Variants in HYDIN observed in about 807,000 individuals in gnomAD.
HYDIN encodes the protein axonemal central pair apparatus protein HYDIN.
A neutral mutation model predicts 403.9 loss-of-function variants in HYDIN; 132 were observed. The observed-to-expected ratio is 0.33, with a 90% confidence interval of 0.28 to 0.38. The LOEUF (loss-of-function observed/expected upper bound fraction) is 0.38. Ranked by LOEUF, HYDIN falls within the 10% of genes least tolerant of loss-of-function variation. HYDIN has a pLI of 1.00. For missense variants in HYDIN, 2,827 were observed against 5,009.5 expected, an observed-to-expected ratio of 0.56 and a Z score of 13.15; for synonymous variants, 1,202 against 1,891.7, an observed-to-expected ratio of 0.64 and a Z score of 9.46.
chr16:71,202,630 T>C (rs1399716789), intron 1 of HYDIN, among the ~76,000 whole-genome samples: 2 of 152,184 alleles, frequency 1.3e-5, no homozygotes, highest in Non-Finnish European at 2.9e-5. Flanking sequence ...GTTGTACCAG[T>C]TTTTCTAATC....
chr16:70,916,022 C>T (rs2143799499), intron 47 of HYDIN, among the ~76,000 whole-genome samples: 1 of 152,354 alleles, frequency 6.6e-6, no homozygotes, highest in South Asian at 2.1e-4. Context: ...AGTCTGTTTC[C>T]AGGCAGTGGG....
At chr16:71,189,133 A>C (rs978688569) in intron 1 of HYDIN, among the ~76,000 whole-genome samples, 1 of 152,222 alleles carries the variant, frequency 6.6e-6, no homozygotes, top group Non-Finnish European at 1.5e-5. Context: ...TTACATATGC[A>C]TGTACATCTG....
intron 5 of HYDIN, among the ~76,000 whole-genome samples, chr16:71,173,593 T>G (rs1445209431): frequency 6.6e-6 from 1 of 152,216 alleles, no homozygotes; most frequent in African/African-American, 2.4e-5. Context: ...AAACCCCCAA[T>G]GTACCCATCA....
chr16:71,194,792 T>C (rs1317451527), intron 1 of HYDIN, among the ~76,000 whole-genome samples: 1 of 152,160 alleles, frequency 6.6e-6, no homozygotes, highest in Admixed American at 6.5e-5. Flanking sequence ...ATCTGAAGGG[T>C]TGACTAAGGT....
At chr16:71,098,659 T>C (rs374248466) in intron 10 of HYDIN, among the ~76,000 whole-genome samples, 3 of 147,608 alleles carry the variant, frequency 2.0e-5, no homozygotes, top group Admixed American at 6.9e-5. Context: ...AAATATATCA[T>C]GGAATAAACT....
At chr16:71,115,093 T>G (rs1046404217) in intron 10 of HYDIN, among the ~76,000 whole-genome samples, 1 of 151,120 alleles carries the variant, frequency 6.6e-6, no homozygotes. Flanking sequence ...TTAGGTTTTG[T>G]GTCCCCACTC....
intron 38 of HYDIN, among the ~76,000 whole-genome samples, chr16:70,961,654 C>T: frequency 6.6e-6 from 1 of 152,130 alleles, no homozygotes; most frequent in South Asian, 2.1e-4. Context: ...CATAATGTTT[C>T]TCTAAACACC....
intron 7 of HYDIN, among the ~76,000 whole-genome samples, chr16:71,140,952 G>T (rs1443182640): frequency 6.7e-6 from 1 of 150,158 alleles, no homozygotes; most frequent in Non-Finnish European, 1.5e-5. Context: ...CCCACTACTA[G>T]AAATCTGTTT....
chr16:70,829,513 C>T, intron 81 of HYDIN, 105 bp downstream of exon 81: 1 of 825,286 alleles, frequency 1.2e-6, no homozygotes, highest in Non-Finnish European at 2.0e-6. Flanking sequence ...GGATTACAGG[C>T]ATGAGCCACC....
At chr16:71,031,171 G>A (rs1166880347) in intron 19 of HYDIN, among the ~76,000 whole-genome samples, 1 of 133,534 alleles carries the variant, frequency 7.5e-6, no homozygotes, top group African/African-American at 3.0e-5. Context: ...CTGCACTCCA[G>A]CCTAGGCCAC....
At chr16:71,024,449 A>G (rs1039226544) in intron 21 of HYDIN, among the ~76,000 whole-genome samples, 1 of 151,080 alleles carries the variant, frequency 6.6e-6, no homozygotes, top group African/African-American at 2.4e-5. Flanking sequence ...GTCTCCTAAT[A>G]CATGCCCTCC....
At chr16:70,933,289 G>A (rs986622874) in intron 45 of HYDIN, among the ~76,000 whole-genome samples, 3 of 151,954 alleles carry the variant, frequency 2.0e-5, no homozygotes, top group African/African-American at 7.3e-5. Flanking sequence ...ACAGGGTCAG[G>A]GTGACTCTGG....
At chr16:71,127,325 T>TC (rs923354052) in intron 9 of HYDIN, among the ~76,000 whole-genome samples, 10 of 138,776 alleles carry the variant, frequency 7.2e-5, no homozygotes, top group Non-Finnish European at 1.5e-4. Context: ...TGGCATCACC[T>TC]CCCCCCCGAC....
chr16:70,823,765 G>A (rs1392828193), intron 83 of HYDIN, among the ~76,000 whole-genome samples: 1 of 150,832 alleles, frequency 6.6e-6, no homozygotes, highest in African/African-American at 2.4e-5. Context: ...CTTCTGACCT[G>A]TCCTCTTTAC....
chr16:71,019,354 G>C (rs1240708514), intron 22 of HYDIN, among the ~76,000 whole-genome samples: 1 of 152,286 alleles, frequency 6.6e-6, no homozygotes. Context: ...AACGATTCTG[G>C]TATTTAACTG....
At chr16:70,852,644 A>C (rs1271476247) in intron 73 of HYDIN, 2 of 150,576 alleles carry the variant, frequency 1.3e-5, no homozygotes, top group Non-Finnish European at 3.0e-5. Context: ...CTGGAAAGAG[A>C]CATGAAGAGA....
Position 71,039,918 on chromosome 16 carries a change from T to A in HYDIN, c.2530-8001A>T, listed in dbSNP as rs181664206. Among the ~76,000 whole-genome samples the A allele has an allele frequency of 4.8e-4, 73 of 152,306 alleles. 3 individuals carry two copies. The East Asian group carries it at 0.014, about 28-fold the overall frequency. Reference sequence around the variant, plus strand: ...CCATGCGACAAGGCAAAGGGCCCACTGAGCTGTTAACACCTAAGGTGTCCA... The same window carrying A: ...CCATGCGACAAGGCAAAGGGCCCACAGAGCTGTTAACACCTAAGGTGTCCA... On this transcript the variant is annotated intron_variant, in intron 18 of 85. Transcript: ENST00000393567.
intron 25 of HYDIN, among the ~76,000 whole-genome samples, chr16:70,990,451 T>G (rs1375349948): frequency 7.1e-6 from 1 of 141,708 alleles, no homozygotes; most frequent in African/African-American, 2.6e-5. Flanking sequence ...AGTGCTCAGT[T>G]AAGTGTTGGT....
intron 65 of HYDIN, among the ~76,000 whole-genome samples, chr16:70,871,270 A>G (rs1174688488): frequency 6.6e-6 from 1 of 152,072 alleles, no homozygotes; most frequent in Non-Finnish European, 1.5e-5. Flanking sequence ...AGATTTAAAG[A>G]TGACAAAGTC....
Sources: allele counts gnomAD v4.1 joint callset (sites outside exome capture counted in the v4.1 genomes callset), GRCh38; gene constraint gnomAD v4.1.1; transcripts MANE v1.5; gene names NCBI Gene and HGNC (gene_info 2026-07-23, HGNC 2026-07-21).